Variants in MEIS1 observed in about 807,000 individuals in gnomAD.
The protein encoded by MEIS1 is Meis homeobox 1.
A neutral mutation model predicts 50.8 loss-of-function variants in MEIS1; 5 were observed. That is an observed-to-expected ratio of 0.10 (90% CI 0.05 to 0.21). MEIS1 has a LOEUF of 0.21. Ranked by LOEUF, MEIS1 falls within the 10% of genes least tolerant of loss-of-function variation. The pLI is 1.00. For synonymous variants in MEIS1, 176 were observed against 179.3 expected (o/e 0.98, Z 0.15); for missense variants, 318 against 517.3 (o/e 0.61, Z 3.74).
intron 9 of MEIS1, among the ~76,000 whole-genome samples, chr2:66,562,286 A>G (rs1489617836): frequency 6.6e-6 from 1 of 151,648 alleles, no homozygotes; most frequent in Non-Finnish European, 1.5e-5. Context: ...AGGATAAACT[A>G]AAGGACAAAG....
intron 6 of MEIS1, among the ~76,000 whole-genome samples, chr2:66,462,935 C>G (rs1400096387): frequency 6.6e-6 from 1 of 152,052 alleles, no homozygotes; most frequent in Non-Finnish European, 1.5e-5. Flanking sequence ...TGTTCAGAAA[C>G]AGTGACTCTT....
chr2:66,568,531 TTG>T, intron 10 of MEIS1, 134 bp from the exon 11 acceptor site: 2 of 368,540 alleles, frequency 5.4e-6, no homozygotes, highest in Non-Finnish European at 9.1e-6. Context: ...AAATTTCACT[TTG>T]AATGTTTAAA....
chr2:66,443,693 T>C (rs1256327148), intron 6 of MEIS1: 1 of 152,372 alleles, frequency 6.6e-6, no homozygotes, highest in Non-Finnish European at 1.5e-5. Flanking sequence ...CAGATAAATA[T>C]GGACTTTTCT....
chr2:66,464,569 C>T (rs1195733854), intron 7 of MEIS1, among the ~76,000 whole-genome samples: 1 of 152,198 alleles, frequency 6.6e-6, no homozygotes, highest in Non-Finnish European at 1.5e-5. Context: ...TTTTCAAGAG[C>T]TCATGAAGAA....
At chr2:66,476,686 G>A (rs1672900671) in intron 7 of MEIS1, among the ~76,000 whole-genome samples, 1 of 152,166 alleles carries the variant, frequency 6.6e-6, no homozygotes, top group African/African-American at 2.4e-5. Flanking sequence ...TTCCATGGTG[G>A]CCATTTTTAA....
intron 12 of MEIS1, 134 bp from the exon 13 acceptor site, chr2:66,571,112 A>G (rs1343101215): frequency 9.0e-6 from 8 of 884,136 alleles, no homozygotes; most frequent in Middle Eastern, 3.4e-4. Flanking sequence ...GTATGAATCA[A>G]AAGAATGCTT....
At chr2:66,437,476 C>G (rs543043648) in intron 1 of MEIS1, 2 of 484,788 alleles carry the variant, frequency 4.1e-6, no homozygotes, top group Admixed American at 3.5e-5. Context: ...GCCAAAGGAG[C>G]CTGAATTTCT....
chr2:66,486,567 T>C (rs1558535948), intron 7 of MEIS1, among the ~76,000 whole-genome samples: 2 of 152,186 alleles, frequency 1.3e-5, no homozygotes, highest in Non-Finnish European at 2.9e-5. Context: ...CCTAGGATTG[T>C]CTTGGCTATA....
Position 66,572,979 on chromosome 2 carries a change from C to T in MEIS1, c.*1771C>T, listed in dbSNP as rs1675512294. ...GAGGCCTAAAGGCACTAAACTAACTCTAGACTCAGAATTACATCCAACAGA... is the reference window on the plus strand; with the variant it reads ...GAGGCCTAAAGGCACTAAACTAACTTTAGACTCAGAATTACATCCAACAGA... On this transcript the variant is annotated 3_prime_UTR_variant, in exon 13 of 13. Transcript: ENST00000272369. 1 of 152,176 alleles carries T rather than the reference C, an allele frequency of 6.6e-6. No individual in the cohort carries two copies. The highest frequency in any genetic ancestry group is 1.5e-5 in the Non-Finnish European group (1 of 68,030). 9.4% of individuals were successfully genotyped at this position (152,176 alleles called of 1,614,324 possible). A position where few individuals can be genotyped will look rare whatever the true frequency, so the allele number is the denominator to read the frequency against.
chr2:66,531,809 G>A (rs1010168283), intron 8 of MEIS1, among the ~76,000 whole-genome samples: 9 of 152,054 alleles, frequency 5.9e-5, no homozygotes, highest in East Asian at 5.8e-4. Flanking sequence ...AGGATGCGGC[G>A]GCCATTAATC....
intron 7 of MEIS1, among the ~76,000 whole-genome samples, chr2:66,491,786 G>GCTT (rs1309416071): frequency 1.3e-5 from 2 of 152,088 alleles, no homozygotes; most frequent in Admixed American, 6.5e-5. Flanking sequence ...AGTGTGTGGG[G>GCTT]CTTCGTACAC....
At chr2:66,546,140 G>A (rs1674785424) in intron 8 of MEIS1, among the ~76,000 whole-genome samples, 1 of 152,200 alleles carries the variant, frequency 6.6e-6, no homozygotes, top group African/African-American at 2.4e-5. Context: ...AGAGAGTGAT[G>A]CTTGCTATTA....
chr2:66,571,613 C>G lies in MEIS1; in HGVS notation c.*405C>G, dbSNP rs371051706. On this transcript the variant is annotated 3_prime_UTR_variant, in exon 13 of 13. Coordinates refer to ENST00000272369, the MANE Select transcript of MEIS1 (RefSeq NM_002398.3). ...AATGACTGTGGAGTTCCATTCTTGG[C>G]ATCTACTCTGGACCAAGGAGCATCC... The G allele has an allele frequency of 7.4e-6, 11 of 1,490,380 alleles. No individual in the cohort carries two copies. In the East Asian group the frequency reaches 2.2e-4, roughly 30 times the overall value. The allele number at this position is 1,490,380 out of a possible 1,614,324, so 92.3% of individuals were successfully genotyped here.
intron 6 of MEIS1, among the ~76,000 whole-genome samples, chr2:66,447,641 A>G (rs1281375195): frequency 6.6e-6 from 1 of 152,094 alleles, no homozygotes; most frequent in Non-Finnish European, 1.5e-5. Context: ...GTGTGTATTT[A>G]TGTGTGAGTT....
intron 9 of MEIS1, among the ~76,000 whole-genome samples, chr2:66,563,854 G>A (rs1675275477): frequency 6.6e-6 from 1 of 152,160 alleles, no homozygotes; most frequent in Admixed American, 6.5e-5. Context: ...GAGAGAGGAT[G>A]TATAAAATAG....
In MEIS1 at chr2:66,470,223, C is replaced by G. The variant is rs142693027; in HGVS notation, c.742+6003C>G. 5.3e-5 allele frequency among the ~76,000 whole-genome samples: 8 copies of G among 152,288 alleles called. No homozygotes were observed. In the East Asian group the frequency reaches 1.4e-3, roughly 26 times the overall value. On this transcript the variant is annotated intron_variant, in intron 7 of 12. Coordinates refer to ENST00000272369, the MANE Select transcript of MEIS1 (RefSeq NM_002398.3). ...TGTGACCACAGGCCTTAGAGCATCGCAGCCCTGTGTGTTCCTTTGGTTATA... is the reference window on the plus strand; with the variant it reads ...TGTGACCACAGGCCTTAGAGCATCGGAGCCCTGTGTGTTCCTTTGGTTATA...
chr2:66,538,990 C>T (rs540214074), intron 8 of MEIS1, among the ~76,000 whole-genome samples: 6 of 152,228 alleles, frequency 3.9e-5, no homozygotes, highest in Admixed American at 6.5e-5. Flanking sequence ...CGGGTTCAAG[C>T]GATTATTCTG....
At chr2:66,475,052 G>T (rs1164552888) in intron 7 of MEIS1, among the ~76,000 whole-genome samples, 2 of 151,064 alleles carry the variant, frequency 1.3e-5, no homozygotes, top group African/African-American at 4.9e-5. Flanking sequence ...TGACAGCCAG[G>T]ACAGCTAGCA....
intron 7 of MEIS1, among the ~76,000 whole-genome samples, chr2:66,469,813 T>A (rs1036534619): frequency 2.0e-5 from 3 of 152,156 alleles, no homozygotes; most frequent in African/African-American, 7.2e-5. Flanking sequence ...ACAGAAGATA[T>A]TTTAATTTGA....
Sources: gnomAD v4.1 joint callset for allele counts (sites outside exome capture counted in the v4.1 genomes callset) on GRCh38, gnomAD v4.1.1 for gene constraint, MANE v1.5 for transcripts, NCBI Gene and HGNC (gene_info 2026-07-23, HGNC 2026-07-21) for gene names.